The following IFT74 variants were observed in gnomAD, a reference collection of about 807,000 sequenced individuals.
IFT74 encodes intraflagellar transport protein 74 homolog.
In IFT74, 92 loss-of-function variants were observed where a neutral mutation model predicts 96.7. That is an observed-to-expected ratio of 0.95 (90% CI 0.80 to 1.13). The LOEUF (loss-of-function observed/expected upper bound fraction) is 1.13, where lower values mean the gene tolerates loss of function less well. Ranked by LOEUF, IFT74 falls within the 50% of genes most tolerant of loss-of-function variation. IFT74 has a pLI of 0.00. For missense variants in IFT74, 811 were observed against 698.2 expected (o/e 1.16, Z -1.82); for synonymous variants, 223 against 213.2 (o/e 1.05, Z -0.40).
chr9:26,986,911 T>C (rs1483621829), intron 6 of IFT74, among the ~76,000 whole-genome samples: 3 of 152,202 alleles, frequency 2.0e-5, no homozygotes, highest in Non-Finnish European at 4.4e-5. Context: ...GCATGAGCCA[T>C]TGCACCCAGC....
Position 27,009,174 on chromosome 9 carries a change from G to A in IFT74, c.726+16G>A, listed in dbSNP as rs1359306822. The A allele has an allele frequency of 3.1e-6, 5 of 1,605,160 alleles. No homozygotes were observed. The highest frequency in any genetic ancestry group is 3.4e-6 in the Non-Finnish European group (4 of 1,175,392). On this transcript the variant is annotated intron_variant, in intron 9 of 19. Coordinates refer to ENST00000380062, the MANE Select transcript of IFT74 (RefSeq NM_025103.4). ...ACTGTTACAGGTAATACAAATTACT[G>A]CTGTGTGCCAAGCATGTATCATTCT...
At chr9:27,002,876 G>T (rs1828574544) in intron 8 of IFT74, among the ~76,000 whole-genome samples, 1 of 151,888 alleles carries the variant, frequency 6.6e-6, no homozygotes, top group African/African-American at 2.4e-5. Flanking sequence ...AAATTGCTTT[G>T]GTTAGTATTG....
intron 9 of IFT74, among the ~76,000 whole-genome samples, chr9:27,009,445 G>C (rs979142409): frequency 6.6e-6 from 1 of 151,700 alleles, no homozygotes. Context: ...GAAAATACTC[G>C]CATTTATAAA....
intron 2 of IFT74, among the ~76,000 whole-genome samples, chr9:26,974,696 T>A (rs1335512734): frequency 6.6e-6 from 1 of 152,024 alleles, no homozygotes; most frequent in Non-Finnish European, 1.5e-5. Context: ...AGCCCTACGG[T>A]TATGCTTTTT....
chr9:27,031,178 C>T (rs1332018436), intron 13 of IFT74, among the ~76,000 whole-genome samples: 1 of 152,128 alleles, frequency 6.6e-6, no homozygotes, highest in African/African-American at 2.4e-5. Context: ...GTTAAGGAAT[C>T]TGTTAAGAAA....
chr9:27,063,473 A>G lies in IFT74; in HGVS notation c.*737A>G, dbSNP rs1199458387. Reference sequence around the variant, plus strand: ...AGAACTTAAGTAGATTAATTTATAAACATTAGCCAGAATATTTGGGGAAAA... The same window carrying G: ...AGAACTTAAGTAGATTAATTTATAAGCATTAGCCAGAATATTTGGGGAAAA... On this transcript the variant is annotated 3_prime_UTR_variant, in exon 20 of 20. Coordinates refer to ENST00000380062, the MANE Select transcript of IFT74 (RefSeq NM_025103.4). Among the ~76,000 whole-genome samples the G allele has an allele frequency of 1.3e-5, 2 of 152,112 alleles. No individual in the cohort carries two copies. The highest frequency in any genetic ancestry group is 6.6e-5 in the Admixed American group (1 of 15,258).
intron 8 of IFT74, chr9:26,994,105 G>A (rs1828017193): frequency 6.6e-6 from 1 of 152,210 alleles, no homozygotes; most frequent in African/African-American, 2.4e-5. Flanking sequence ...TCTTTGGAAT[G>A]TTATTGAACT....
At chr9:27,023,293 G>T (rs1473165445) in intron 12 of IFT74, among the ~76,000 whole-genome samples, 1 of 152,144 alleles carries the variant, frequency 6.6e-6, no homozygotes, top group East Asian at 1.9e-4. Flanking sequence ...TTGGCTGTGG[G>T]TTTGTCATAG....
chr9:27,061,425 A>C (rs1227809840), intron 19 of IFT74, among the ~76,000 whole-genome samples: 1 of 152,032 alleles, frequency 6.6e-6, no homozygotes. Flanking sequence ...ATTATCAGTA[A>C]ATCTTCTGAT....
chr9:27,013,660 C>G (rs2131611517), intron 10 of IFT74, among the ~76,000 whole-genome samples: 1 of 152,222 alleles, frequency 6.6e-6, no homozygotes, highest in African/African-American at 2.4e-5. Flanking sequence ...AGTTGAGTAT[C>G]TATTTATATC....
intron 8 of IFT74, among the ~76,000 whole-genome samples, chr9:27,006,481 T>G (rs1005544759): frequency 2.0e-5 from 3 of 152,060 alleles, no homozygotes; most frequent in Non-Finnish European, 2.9e-5. Flanking sequence ...GTTGTGTGCC[T>G]TTAGTCCCAG....
intron 13 of IFT74, among the ~76,000 whole-genome samples, chr9:27,041,560 T>C (rs1046490049): frequency 1.1e-4 from 17 of 152,176 alleles, no homozygotes; most frequent in African/African-American, 3.9e-4. Flanking sequence ...TTTACCGTTG[T>C]GTCCCTTTCC....
Position 27,025,691 on chromosome 9 carries a change from C to T in IFT74, c.975-3334C>T, listed in dbSNP as rs148140182. 8.3e-3 allele frequency among the ~76,000 whole-genome samples: 1,261 copies of T among 152,192 alleles called. 16 individuals carry two copies. The highest frequency in any genetic ancestry group is 0.028 in the African/African-American group (1,173 of 41,534). On this transcript the variant is annotated intron_variant, in intron 12 of 19. Coordinates refer to ENST00000380062, the MANE Select transcript of IFT74 (RefSeq NM_025103.4). Reference sequence around the variant, plus strand: ...AAGGAATTGGAGTCCTACCTTTAGACTCCTTAAAATAATTATCAGCCAAGA... The same window carrying T: ...AAGGAATTGGAGTCCTACCTTTAGATTCCTTAAAATAATTATCAGCCAAGA...
chr9:27,033,384 C>T (rs1311878786), intron 13 of IFT74, among the ~76,000 whole-genome samples: 2 of 151,758 alleles, frequency 1.3e-5, no homozygotes, highest in Admixed American at 1.3e-4. Flanking sequence ...AGGGCGAAAA[C>T]CTGTCTCTAC....
chr9:27,031,817 T>C (rs13290580), intron 13 of IFT74, among the ~76,000 whole-genome samples: 1 of 149,402 alleles, frequency 6.7e-6, no homozygotes, highest in Non-Finnish European at 1.5e-5. Context: ...TAAAATAAAA[T>C]GTAAAATAAA....
At chr9:26,955,430 T>C (rs1320288911), upstream of IFT74, among the ~76,000 whole-genome samples, 1 of 152,004 alleles carries the variant, frequency 6.6e-6, no homozygotes, top group African/African-American at 2.4e-5. Context: ...GATTGGAGAG[T>C]CTAGCAAGCA....
intron 6 of IFT74, 102 bp from the exon 7 acceptor site, chr9:26,988,567 C>T: frequency 9.4e-7 from 1 of 1,061,754 alleles, no homozygotes; most frequent in Non-Finnish European, 1.3e-6. Context: ...ACTTAAGTTA[C>T]TACTCATTAT....
intron 13 of IFT74, among the ~76,000 whole-genome samples, chr9:27,043,836 C>T (rs1011780874): frequency 1.1e-4 from 17 of 152,296 alleles, no homozygotes; most frequent in African/African-American, 3.8e-4. Flanking sequence ...CAATTACCAC[C>T]GCTCTACTCA....
intron 16 of IFT74, among the ~76,000 whole-genome samples, chr9:27,053,598 A>G (rs1340553858): frequency 6.6e-6 from 1 of 152,188 alleles, no homozygotes; most frequent in East Asian, 1.9e-4. Context: ...AGAAGGAACT[A>G]GACTGCATCC....
Sources: gnomAD v4.1 joint callset for allele counts (sites outside exome capture counted in the v4.1 genomes callset) on GRCh38, gnomAD v4.1.1 for gene constraint, MANE v1.5 for transcripts, NCBI Gene and HGNC (gene_info 2026-07-23, HGNC 2026-07-21) for gene names.